Variants in HDAC9 observed in about 807,000 individuals in gnomAD.
The protein encoded by HDAC9 is MEF-2 interacting transcription repressor (MITR) protein.
HDAC9 carries 41 observed loss-of-function variants against 139.4 expected under a neutral mutation model. That is an observed-to-expected ratio of 0.29 (90% confidence interval 0.23 to 0.38). The LOEUF (loss-of-function observed/expected upper bound fraction) is 0.38. HDAC9 is among the 10% of genes least tolerant of loss of function. The pLI, the probability that HDAC9 is intolerant of heterozygous loss-of-function variation, is 1.00. For synonymous variants in HDAC9, 517 were observed against 476.2 expected (o/e 1.09, Z -1.12); for missense variants, 1,147 against 1,297.0 (o/e 0.88, Z 1.78).
intron 1 of HDAC9, among the ~76,000 whole-genome samples, chr7:18,427,970 G>T (rs574810618): frequency 1.3e-5 from 2 of 152,218 alleles, no homozygotes; most frequent in East Asian, 3.9e-4. Context: ...CCTCATGTAA[G>T]TGGAATCATG....
At chr7:18,567,145 C>A (rs1822609779) in intron 2 of HDAC9, among the ~76,000 whole-genome samples, 1 of 152,178 alleles carries the variant, frequency 6.6e-6, no homozygotes, top group Non-Finnish European at 1.5e-5. Context: ...TGTCCTGCAG[C>A]ATGCCAAATT....
At chr7:18,791,130 G>A (rs560480857) in intron 16 of HDAC9, among the ~76,000 whole-genome samples, 11 of 152,198 alleles carry the variant, frequency 7.2e-5, no homozygotes, top group African/African-American at 2.6e-4. Context: ...CTGCTGGAAT[G>A]TTTTTCTAAT....
At chr7:18,811,518 T>C (rs1234291542) in intron 17 of HDAC9, among the ~76,000 whole-genome samples, 1 of 151,826 alleles carries the variant, frequency 6.6e-6, no homozygotes, top group African/African-American at 2.4e-5. Context: ...ATTTAGTGTC[T>C]GATTACTTGG....
At chr7:18,173,199 T>G (rs747058975) in intron 2 of HDAC9, among the ~76,000 whole-genome samples, 12 of 152,202 alleles carry the variant, frequency 7.9e-5, no homozygotes, top group Non-Finnish European at 1.5e-4. Context: ...CCTTTACCAT[T>G]ATGTAATGGC....
chr7:18,904,782 A>G (rs1802067057), intron 22 of HDAC9, among the ~76,000 whole-genome samples: 2 of 151,812 alleles, frequency 1.3e-5, no homozygotes, highest in African/African-American at 2.4e-5. Context: ...TCACCATGTT[A>G]GCCAGGATGG....
intron 2 of HDAC9, among the ~76,000 whole-genome samples, chr7:18,546,825 G>A (rs974751545): frequency 6.6e-6 from 1 of 152,146 alleles, no homozygotes; most frequent in Non-Finnish European, 1.5e-5. Context: ...TGTGTGTTTT[G>A]TGGCCTTGCT....
intron 1 of HDAC9, among the ~76,000 whole-genome samples, chr7:18,115,747 A>T (rs572305389): frequency 4.7e-4 from 72 of 152,358 alleles, no homozygotes; most frequent in Non-Finnish European, 5.4e-4. Flanking sequence ...ATTAGGCATT[A>T]TGCCAAAGAT....
intron 6 of HDAC9, among the ~76,000 whole-genome samples, chr7:18,600,749 C>G (rs1463237894): frequency 2.0e-5 from 3 of 152,164 alleles, no homozygotes; most frequent in Non-Finnish European, 4.4e-5. Flanking sequence ...GTTGGCTATC[C>G]TGAGTCTTTT....
At chr7:18,370,536 A>T (rs1784516583) in intron 1 of HDAC9, among the ~76,000 whole-genome samples, 1 of 152,112 alleles carries the variant, frequency 6.6e-6, no homozygotes, top group African/African-American at 2.4e-5. Flanking sequence ...ATAAAACCAT[A>T]TTTCTTTGTT....
intron 2 of HDAC9, among the ~76,000 whole-genome samples, chr7:18,197,334 T>A (rs1403379514): frequency 1.3e-5 from 2 of 152,124 alleles, no homozygotes; most frequent in African/African-American, 2.4e-5. Context: ...AGAAAGGAAT[T>A]AACAATTACT....
chr7:18,494,345 G>GC (rs1243538463), upstream of HDAC9, among the ~76,000 whole-genome samples: 3 of 151,952 alleles, frequency 2.0e-5, no homozygotes, highest in African/African-American at 7.2e-5. Context: ...CCCCTTGTTT[G>GC]CCCCCTCTGA....
intron 2 of HDAC9, among the ~76,000 whole-genome samples, chr7:18,284,253 T>C (rs1360491915): frequency 6.6e-6 from 1 of 152,144 alleles, no homozygotes; most frequent in African/African-American, 2.4e-5. Context: ...ATAAATTTAA[T>C]TTGGTATTTA....
chr7:18,142,730 G>A (rs1785997547), intron 1 of HDAC9, among the ~76,000 whole-genome samples: 2 of 152,152 alleles, frequency 1.3e-5, no homozygotes, highest in African/African-American at 4.8e-5. Flanking sequence ...TGGCCCATAG[G>A]GCTGCAGACT....
At chr7:18,964,352 T>C (rs1783714241) in intron 24 of HDAC9, among the ~76,000 whole-genome samples, 1 of 152,166 alleles carries the variant, frequency 6.6e-6, no homozygotes, top group Non-Finnish European at 1.5e-5. Context: ...TGATTATCAG[T>C]TAAGATCAGA....
intron 23 of HDAC9, among the ~76,000 whole-genome samples, chr7:18,946,480 A>G (rs902696452): frequency 1.3e-5 from 2 of 152,184 alleles, no homozygotes; most frequent in Non-Finnish European, 2.9e-5. Context: ...ATTTATCCAC[A>G]AGAACTAACT....
chr7:18,835,865 T>C, intron 20 of HDAC9, 35 bp from the exon 21 acceptor site: 1 of 1,406,092 alleles, frequency 7.1e-7, no homozygotes, highest in Middle Eastern at 1.8e-4. Flanking sequence ...TTTGCTCTCT[T>C]CTCTGCCCAC....
At chr7:18,555,374 G>C (rs1818479371) in intron 2 of HDAC9, among the ~76,000 whole-genome samples, 1 of 152,190 alleles carries the variant, frequency 6.6e-6, no homozygotes, top group Non-Finnish European at 1.5e-5. Context: ...CAAGAAGTCT[G>C]GGGAATGGGA....
chr7:18,606,824 C>G (rs1277896690), intron 6 of HDAC9, among the ~76,000 whole-genome samples: 1 of 152,088 alleles, frequency 6.6e-6, no homozygotes, highest in African/African-American at 2.4e-5. Flanking sequence ...ATTTTTTAAA[C>G]TAACATATCT....
In HDAC9 at chr7:18,410,577, T is replaced by C. The variant is rs1422708598; in HGVS notation, c.-41-85685T>C. Among the ~76,000 whole-genome samples the C allele has an allele frequency of 2.0e-5, 3 of 152,242 alleles. No individual in the cohort carries two copies. In the East Asian group the frequency reaches 5.8e-4, roughly 29 times the overall value. ...ATACATACACTGATAATGTACTATA[T>C]TTTAATAAAGACTTGAATGACCTTT... On this transcript the variant is annotated intron_variant, in intron 1 of 3. Transcript: ENST00000413509.
Sources: gnomAD v4.1 joint callset for allele counts (sites outside exome capture counted in the v4.1 genomes callset) on GRCh38, gnomAD v4.1.1 for gene constraint, MANE v1.5 for transcripts, NCBI Gene and HGNC (gene_info 2026-07-23, HGNC 2026-07-21) for gene names.